Variants in RPS6KC1 observed in about 807,000 individuals in gnomAD.
The protein encoded by RPS6KC1 is inactive ribosomal protein S6 kinase delta-1.
In RPS6KC1, 54 loss-of-function variants were observed where a neutral mutation model predicts 103.8. The ratio of observed to expected loss-of-function variants is 0.52; its 90% CI spans 0.42 to 0.65. The LOEUF is 0.65. RPS6KC1 is among the 30% of genes least tolerant of loss of function. The probability of loss-of-function intolerance (pLI) is 0.00; values close to 1 mark genes in which losing one functional copy is unlikely to be tolerated. For missense variants in RPS6KC1, 1,151 were observed against 1,253.8 expected (o/e 0.92, Z 1.24); for synonymous variants, 439 against 438.7 (o/e 1.00, Z -0.01).
chr1:213,575,759 C>A, the RPS6KC1 span, among the ~76,000 whole-genome samples: 1 of 152,214 alleles, frequency 6.6e-6, no homozygotes, highest in African/African-American at 2.4e-5. Context: ...CTGAGGAGGG[C>A]AGGTCCCCCA....
chr1:213,388,793 G>T, the RPS6KC1 span, among the ~76,000 whole-genome samples: 1 of 152,220 alleles, frequency 6.6e-6, no homozygotes, highest in Non-Finnish European at 1.5e-5. Flanking sequence ...TTCAGCGGGG[G>T]CCTGTAAGAT....
intron 12 of RPS6KC1, among the ~76,000 whole-genome samples, chr1:213,248,300 C>T (rs1025790525): frequency 6.6e-6 from 1 of 152,060 alleles, no homozygotes; most frequent in African/African-American, 2.4e-5. Flanking sequence ...ATGTTTCAGA[C>T]AGTAACTGTT....
chr1:213,085,455 G>A (rs2148609452), intron 3 of RPS6KC1, among the ~76,000 whole-genome samples: 2 of 152,168 alleles, frequency 1.3e-5, no homozygotes, highest in East Asian at 3.9e-4. Context: ...ACTACACAAT[G>A]TATATTCATT....
At chr1:213,150,717 C>G (rs2088620290) in intron 6 of RPS6KC1, among the ~76,000 whole-genome samples, 1 of 152,190 alleles carries the variant, frequency 6.6e-6, no homozygotes, top group Non-Finnish European at 1.5e-5. Flanking sequence ...CTACTTCTTT[C>G]TACACAGACA....
At chr1:213,054,537 G>T (rs2077185177) in intron 1 of RPS6KC1, among the ~76,000 whole-genome samples, 1 of 152,132 alleles carries the variant, frequency 6.6e-6, no homozygotes, top group African/African-American at 2.4e-5. Context: ...AATGTCTTCT[G>T]TATATTTTCT....
the RPS6KC1 span, among the ~76,000 whole-genome samples, chr1:213,812,398 T>A: frequency 6.6e-6 from 1 of 152,210 alleles, no homozygotes; most frequent in South Asian, 2.1e-4. Context: ...ATAACAAAAA[T>A]CTGTTTCTTT....
intron 6 of RPS6KC1, among the ~76,000 whole-genome samples, chr1:213,135,243 A>G (rs2086143814): frequency 6.6e-6 from 1 of 151,614 alleles, no homozygotes; most frequent in Non-Finnish European, 1.5e-5. Context: ...ATATTGAACC[A>G]CTCTGGAATT....
chr1:213,090,229 G>A (rs568027785), intron 3 of RPS6KC1, among the ~76,000 whole-genome samples: 11 of 152,290 alleles, frequency 7.2e-5, no homozygotes, highest in African/African-American at 1.7e-4. Flanking sequence ...TAAGAATCAT[G>A]CTTCTAAACC....
chr1:213,817,258 C>A, the RPS6KC1 span, among the ~76,000 whole-genome samples: 1 of 152,226 alleles, frequency 6.6e-6, no homozygotes, highest in African/African-American at 2.4e-5. Context: ...CCTCCCAGGT[C>A]TCCTTCCGTC....
At chr1:213,695,551 T>A in the RPS6KC1 span, among the ~76,000 whole-genome samples, 1 of 152,188 alleles carries the variant, frequency 6.6e-6, no homozygotes, top group African/African-American at 2.4e-5. Context: ...CTGGGAGCAG[T>A]GAAGAGCCCA....
the RPS6KC1 span, among the ~76,000 whole-genome samples, chr1:213,844,716 A>C: frequency 2.0e-5 from 3 of 152,326 alleles, no homozygotes; most frequent in Middle Eastern, 3.4e-3. Flanking sequence ...AAGGTATCAA[A>C]TTTGATAAGA....
At chr1:213,782,561 A>G in the RPS6KC1 span, among the ~76,000 whole-genome samples, 1 of 152,112 alleles carries the variant, frequency 6.6e-6, no homozygotes, top group African/African-American at 2.4e-5. Context: ...GTTAAAAAGT[A>G]AAAAAAGGCT....
the RPS6KC1 span, among the ~76,000 whole-genome samples, chr1:213,314,355 A>G: frequency 6.6e-6 from 1 of 152,240 alleles, no homozygotes; most frequent in Admixed American, 6.5e-5. Flanking sequence ...TGGGGGACCC[A>G]ATTCAATCAT....
the RPS6KC1 span, among the ~76,000 whole-genome samples, chr1:213,626,232 G>T: frequency 3.3e-5 from 5 of 152,208 alleles, no homozygotes; most frequent in Non-Finnish European, 2.9e-5. Context: ...TGTCTTCTTT[G>T]GAGAAGTATC....
chr1:213,134,947 A>G (rs1336359303), intron 6 of RPS6KC1, among the ~76,000 whole-genome samples: 1 of 152,132 alleles, frequency 6.6e-6, no homozygotes, highest in Non-Finnish European at 1.5e-5. Context: ...TCTGGCTAGA[A>G]CTTCCAGTAC....
the RPS6KC1 span, among the ~76,000 whole-genome samples, chr1:213,539,863 T>G: frequency 6.6e-6 from 1 of 151,822 alleles, no homozygotes; most frequent in African/African-American, 2.4e-5. Flanking sequence ...CACACACATT[T>G]TTTTGGTTCC....
At chr1:213,303,791 TATA>T in the RPS6KC1 span, among the ~76,000 whole-genome samples, 1 of 152,128 alleles carries the variant, frequency 6.6e-6, no homozygotes, top group Non-Finnish European at 1.5e-5. Flanking sequence ...TAAATAGTGT[TATA>T]ATAATATTTT....
the RPS6KC1 span, among the ~76,000 whole-genome samples, chr1:213,490,741 G>A: frequency 1.3e-5 from 2 of 152,096 alleles, no homozygotes; most frequent in African/African-American, 4.8e-5. Flanking sequence ...TGCTCTCAAG[G>A]GCATCTGAAA....
intron 6 of RPS6KC1, among the ~76,000 whole-genome samples, chr1:213,147,949 T>C (rs1377023469): frequency 1.3e-5 from 2 of 152,244 alleles, no homozygotes; most frequent in Non-Finnish European, 2.9e-5. Context: ...TTCAGTTTTA[T>C]TTGTGACTGT....
Sources: gnomAD v4.1 joint callset for allele counts (sites outside exome capture counted in the v4.1 genomes callset) on GRCh38, gnomAD v4.1.1 for gene constraint, MANE v1.5 for transcripts, NCBI Gene and HGNC (gene_info 2026-07-23, HGNC 2026-07-21) for gene names.